Variants in NBAS observed in about 807,000 individuals in gnomAD.
The protein encoded by NBAS is NBAS subunit of NRZ tethering complex.
A neutral mutation model predicts 302.5 loss-of-function variants in NBAS; 219 were observed. That is an observed-to-expected ratio of 0.72 (90% CI 0.65 to 0.81). The LOEUF is 0.81. Ranked by LOEUF, NBAS falls within the 30% of genes least tolerant of loss-of-function variation. The probability of loss-of-function intolerance (pLI) is 0.00; values close to 1 mark genes in which losing one functional copy is unlikely to be tolerated. For synonymous variants in NBAS, 1,118 were observed against 1,021.6 expected, an observed-to-expected ratio of 1.09 and a Z score of -1.80; for missense variants, 2,932 against 2,841.6, an observed-to-expected ratio of 1.03 and a Z score of -0.72.
At chr2:14,809,366 A>G in the NBAS span, among the ~76,000 whole-genome samples, 30 of 152,326 alleles carry the variant, frequency 2.0e-4, no homozygotes, top group Non-Finnish European at 3.7e-4. Flanking sequence ...AGCTGTGTGC[A>G]GCCTAGGGAC....
At chr2:14,853,588 C>G in the NBAS span, among the ~76,000 whole-genome samples, 1 of 83,240 alleles carries the variant, frequency 1.2e-5, no homozygotes, top group East Asian at 3.2e-4. Context: ...ACCCAAATGA[C>G]TATAAATCAT....
At chr2:15,049,599 A>G in the NBAS span, among the ~76,000 whole-genome samples, 1 of 152,226 alleles carries the variant, frequency 6.6e-6, no homozygotes, top group Non-Finnish European at 1.5e-5. Flanking sequence ...AATCTAAAAC[A>G]GGAAACTCAA....
the NBAS span, among the ~76,000 whole-genome samples, chr2:14,861,341 G>T: frequency 6.6e-6 from 1 of 152,208 alleles, no homozygotes; most frequent in East Asian, 1.9e-4. Flanking sequence ...GAAGGGTAGT[G>T]CATTCTCGAA....
chr2:14,890,036 C>A, the NBAS span, among the ~76,000 whole-genome samples: 9 of 152,174 alleles, frequency 5.9e-5, no homozygotes, highest in African/African-American at 1.9e-4. Context: ...TAATTAACTA[C>A]TTTAGCAATT....
At chr2:15,442,205 T>A (rs1366086541) in intron 21 of NBAS, among the ~76,000 whole-genome samples, 1 of 114,524 alleles carries the variant, frequency 8.7e-6, no homozygotes, top group Non-Finnish European at 2.0e-5. Flanking sequence ...AGAATATACA[T>A]TTTTTTCAGC....
chr2:15,312,479 G>A (rs945140154), intron 38 of NBAS, among the ~76,000 whole-genome samples: 1 of 151,960 alleles, frequency 6.6e-6, no homozygotes, highest in African/African-American at 2.4e-5. Flanking sequence ...GTATTTTCAT[G>A]GTGCCCAAGC....
At position 15,320,518 on chromosome 2, in the gene NBAS, TCTC is replaced by T. The variant is rs1420250052; in HGVS notation, c.4582+7229_4582+7231del. ...AAAACCCAATCATCTCAGCCCAAAATCTCCTTAAGCTGATAAACAACTTCAGCA... is the reference window on the plus strand; with the variant it reads ...AAAACCCAATCATCTCAGCCCAAAATCTTAAGCTGATAAACAACTTCAGCA... On this transcript the variant is annotated intron_variant, in intron 38 of 51. Coordinates refer to ENST00000281513, the MANE Select transcript of NBAS (RefSeq NM_015909.4). Among the ~76,000 whole-genome samples, 3 of 151,974 alleles carry T rather than the reference TCTC, an allele frequency of 2.0e-5. No homozygotes were observed. The East Asian group carries it at 5.8e-4, about 29-fold the overall frequency.
At chr2:14,971,344 G>A in the NBAS span, among the ~76,000 whole-genome samples, 3 of 151,834 alleles carry the variant, frequency 2.0e-5, no homozygotes, top group Non-Finnish European at 4.4e-5. Flanking sequence ...GTGAAACCCC[G>A]TCTCTACTAA....
At chr2:14,908,794 A>C in the NBAS span, among the ~76,000 whole-genome samples, 2 of 152,072 alleles carry the variant, frequency 1.3e-5, no homozygotes, top group African/African-American at 2.4e-5. Flanking sequence ...TCACCCCCAG[A>C]CCACTGTCCC....
intron 42 of NBAS, among the ~76,000 whole-genome samples, chr2:15,277,682 T>C (rs1669647244): frequency 6.6e-6 from 1 of 152,228 alleles, no homozygotes; most frequent in African/African-American, 2.4e-5. Flanking sequence ...TCTGCAGTAA[T>C]GCTACTTAAA....
chr2:15,421,555 T>C (rs927683029), intron 23 of NBAS, among the ~76,000 whole-genome samples: 4 of 151,576 alleles, frequency 2.6e-5, no homozygotes, highest in Non-Finnish European at 4.4e-5. Flanking sequence ...AAGATAAAAC[T>C]ATGTCAGATA....
At chr2:15,487,284 A>G (rs532732295) in intron 12 of NBAS, among the ~76,000 whole-genome samples, 2 of 152,220 alleles carry the variant, frequency 1.3e-5, no homozygotes, top group Non-Finnish European at 2.9e-5. Context: ...TGGATCAATG[A>G]AATGAATAAT....
At chr2:15,503,704 G>A (rs989028738) in intron 11 of NBAS, among the ~76,000 whole-genome samples, 11 of 152,040 alleles carry the variant, frequency 7.2e-5, no homozygotes, top group African/African-American at 2.7e-4. Context: ...TAAAACCTAG[G>A]GTCAGGAGGC....
intron 28 of NBAS, among the ~76,000 whole-genome samples, chr2:15,383,975 T>C (rs147356093): frequency 8.2e-4 from 125 of 152,288 alleles, no homozygotes; most frequent in African/African-American, 2.8e-3. Context: ...GGCATTGCTG[T>C]GTCCGGCGTA....
chr2:15,330,785 TAGCAAGGG>T lies in NBAS; in HGVS notation c.4180-28_4180-21del, dbSNP rs751037450. The stretch of plus-strand genomic sequence containing the variant: ...TTCATCCTGTATTAAAGAAACAAAA[TAGCAAGGG>T]CAAAAATGCATTACCATAAGAACAG... On this transcript the variant is annotated intron_variant, in intron 35 of 51. Coordinates refer to ENST00000281513, the MANE Select transcript of NBAS (RefSeq NM_015909.4). 11 of 1,612,194 alleles carry T rather than the reference TAGCAAGGG, an allele frequency of 6.8e-6. No individual in the cohort carries two copies. Among genetic ancestry groups the T allele is most frequent in the Non-Finnish European group, 9.3e-6 (11 of 1,179,152 alleles).
chr2:15,482,105 C>T (rs1184511704), intron 12 of NBAS, among the ~76,000 whole-genome samples: 2 of 152,068 alleles, frequency 1.3e-5, no homozygotes, highest in African/African-American at 2.4e-5. Flanking sequence ...CAAAACTAAG[C>T]ATAAAAACAG....
the NBAS span, among the ~76,000 whole-genome samples, chr2:15,061,021 T>C: frequency 4.6e-4 from 70 of 152,280 alleles, 1 homozygote; most frequent in East Asian, 7.9e-3. Context: ...TTTTCACTTA[T>C]ACAGAAAATA....
intron 31 of NBAS, among the ~76,000 whole-genome samples, chr2:15,371,251 C>A (rs1298492085): frequency 6.6e-6 from 1 of 152,186 alleles, no homozygotes; most frequent in Non-Finnish European, 1.5e-5. Context: ...TTTCCTAAGG[C>A]CTCCCCAGTC....
At chr2:14,884,817 G>A in the NBAS span, among the ~76,000 whole-genome samples, 63 of 152,292 alleles carry the variant, frequency 4.1e-4, no homozygotes, top group African/African-American at 1.3e-3. Context: ...GAATGTAATC[G>A]AGGAAGCTCT....
Sources: allele counts gnomAD v4.1 joint callset (sites outside exome capture counted in the v4.1 genomes callset), GRCh38; gene constraint gnomAD v4.1.1; transcripts MANE v1.5; gene names NCBI Gene and HGNC (gene_info 2026-07-23, HGNC 2026-07-21).